The following SUPT3H variants were observed in gnomAD, a reference collection of about 807,000 sequenced individuals.
The protein encoded by SUPT3H is transcription initiation protein SPT3 homolog.
SUPT3H carries 44 observed loss-of-function variants against 44.3 expected under a neutral mutation model. That is an observed-to-expected ratio of 0.99 (90% CI 0.78 to 1.28). The LOEUF (loss-of-function observed/expected upper bound fraction) is 1.28. SUPT3H is among the 50% of genes most tolerant of loss of function. The probability of loss-of-function intolerance (pLI) is 0.00; values close to 1 mark genes in which losing one functional copy is unlikely to be tolerated. For synonymous variants in SUPT3H, 124 were observed against 125.6 expected (o/e 0.99, Z 0.09); for missense variants, 380 against 387.1 (o/e 0.98, Z 0.15).
At chr6:44,814,271 T>G (rs481914) in intron 11 of SUPT3H, among the ~76,000 whole-genome samples, 3,103 of 152,194 alleles carry the variant, frequency 0.02, 40 homozygotes, top group Non-Finnish European at 0.033. Context: ...CATCATAGTA[T>G]GAAGAAATGT....
intron 2 of SUPT3H, among the ~76,000 whole-genome samples, chr6:45,306,658 T>A (rs2149961630): frequency 6.6e-6 from 1 of 151,826 alleles, no homozygotes; most frequent in African/African-American, 2.4e-5. Flanking sequence ...AATCGGGCGG[T>A]TCCAAGATGG....
At position 45,121,528 on chromosome 6, in the gene SUPT3H, G is replaced by A. The variant is rs975257008; in HGVS notation, c.102-15522C>T. ...CCCTATGAAATTATGTGGGGGGGGGGGTGGATTATCTAAGTATATCTTTCA... is the reference window on the plus strand; with the variant it reads ...CCCTATGAAATTATGTGGGGGGGGGAGTGGATTATCTAAGTATATCTTTCA... On this transcript the variant is annotated intron_variant, in intron 2 of 10. Coordinates refer to ENST00000371459, the MANE Select transcript of SUPT3H (RefSeq NM_003599.4). 2.6e-5 allele frequency among the ~76,000 whole-genome samples: 4 copies of A among 151,824 alleles called. No homozygotes were observed. The South Asian group carries it at 8.4e-4, about 32-fold the overall frequency.
intron 10 of SUPT3H, among the ~76,000 whole-genome samples, chr6:44,872,639 A>C (rs1293588): frequency 0.93 from 124,835 of 134,792 alleles, 58,716 homozygotes; most frequent in East Asian, 1. Context: ...ATCAAATTCA[A>C]ACATAACAAT....
chr6:45,333,221 T>C (rs1787869639), intron 2 of SUPT3H, among the ~76,000 whole-genome samples: 1 of 151,688 alleles, frequency 6.6e-6, no homozygotes, highest in Non-Finnish European at 1.5e-5. Context: ...TATTTTTTGA[T>C]TAATGTGTTA....
intron 2 of SUPT3H, among the ~76,000 whole-genome samples, chr6:45,286,053 C>T (rs1779194543): frequency 6.9e-6 from 1 of 145,488 alleles, no homozygotes; most frequent in Non-Finnish European, 1.5e-5. Flanking sequence ...ATGTAGAAAG[C>T]TGAAACTGGA....
chr6:45,099,627 T>C (rs1798270717), intron 3 of SUPT3H, among the ~76,000 whole-genome samples: 1 of 152,200 alleles, frequency 6.6e-6, no homozygotes, highest in Non-Finnish European at 1.5e-5. Context: ...TTAGCTTCTA[T>C]GTGTTAATGT....
intron 2 of SUPT3H, among the ~76,000 whole-genome samples, chr6:45,143,204 G>C (rs1238926247): frequency 6.6e-6 from 1 of 151,742 alleles, no homozygotes; most frequent in East Asian, 1.9e-4. Context: ...CCTTAGAATG[G>C]AACCAACATA....
chr6:45,171,491 T>C (rs774937494), intron 2 of SUPT3H, among the ~76,000 whole-genome samples: 20 of 152,110 alleles, frequency 1.3e-4, no homozygotes, highest in Non-Finnish European at 2.6e-4. Context: ...AATCAGTACA[T>C]GCTATTTTTA....
At chr6:45,337,165 GAAC>G (rs1210656881) in intron 2 of SUPT3H, among the ~76,000 whole-genome samples, 1 of 151,612 alleles carries the variant, frequency 6.6e-6, no homozygotes. Flanking sequence ...CATATGAACA[GAAC>G]AACATGCCAA....
chr6:45,292,428 T>C (rs777612437), intron 2 of SUPT3H, among the ~76,000 whole-genome samples: 15 of 152,106 alleles, frequency 9.9e-5, no homozygotes, highest in Non-Finnish European at 1.9e-4. Flanking sequence ...AAACAAAATC[T>C]AATGTATACA....
In SUPT3H at chr6:45,087,437, T is replaced by C. The variant is rs138367200; in HGVS notation, c.186+18485A>G. Among the ~76,000 whole-genome samples, 250 of 152,046 alleles carry C rather than the reference T, an allele frequency of 1.6e-3. 3 individuals are homozygous for C. The highest frequency in any genetic ancestry group is 5.9e-3 in the African/African-American group (244 of 41,538). On this transcript the variant is annotated intron_variant, in intron 3 of 10. Coordinates refer to ENST00000371459, the MANE Select transcript of SUPT3H (RefSeq NM_003599.4). Reference sequence around the variant, plus strand: ...GAATTTTTCTAAAGTATAAATGCTATCATTTATACTAAAAATATCATCTAA... The same window carrying C: ...GAATTTTTCTAAAGTATAAATGCTACCATTTATACTAAAAATATCATCTAA...
chr6:45,365,355 GC>G, intron 1 of SUPT3H, 54 bp from the exon 2 acceptor site: 4 of 1,158,576 alleles, frequency 3.5e-6, no homozygotes, highest in South Asian at 1.4e-5. Context: ...ATAAGTAAAT[GC>G]AAAAAAAAAA....
chr6:44,823,119 A>T (rs1028002579), downstream of SUPT3H, among the ~76,000 whole-genome samples: 1 of 151,964 alleles, frequency 6.6e-6, no homozygotes, highest in Non-Finnish European at 1.5e-5. Context: ...AAAAAAAAAA[A>T]AAATTTTTTT....
chr6:44,902,600 T>C (rs1337717091), intron 10 of SUPT3H, among the ~76,000 whole-genome samples: 1 of 152,118 alleles, frequency 6.6e-6, no homozygotes, highest in African/African-American at 2.4e-5. Flanking sequence ...AACACCCCAC[T>C]GTCAATATTA....
At chr6:45,151,200 A>AC (rs2153596244) in intron 2 of SUPT3H, among the ~76,000 whole-genome samples, 1 of 152,328 alleles carries the variant, frequency 6.6e-6, no homozygotes, top group South Asian at 2.1e-4. Flanking sequence ...GTATGCAGAT[A>AC]GTAAACTAAA....
intron 2 of SUPT3H, among the ~76,000 whole-genome samples, chr6:45,290,577 T>C (rs1780159356): frequency 1.3e-5 from 2 of 151,834 alleles, no homozygotes; most frequent in African/African-American, 4.8e-5. Flanking sequence ...TCAACAAAAA[T>C]CCCGTAAGTT....
intron 2 of SUPT3H, among the ~76,000 whole-genome samples, chr6:45,236,001 T>C (rs940090739): frequency 1.7e-4 from 26 of 152,210 alleles, no homozygotes; most frequent in Admixed American, 6.5e-4. Flanking sequence ...CCCTTTGTTT[T>C]GGCCCATCCC....
intron 2 of SUPT3H, among the ~76,000 whole-genome samples, chr6:45,200,550 T>G (rs538048615): frequency 1.3e-5 from 2 of 151,680 alleles, no homozygotes; most frequent in East Asian, 1.9e-4. Flanking sequence ...CTAATAGTAC[T>G]TATGATGTGC....
intron 10 of SUPT3H, among the ~76,000 whole-genome samples, chr6:44,908,296 C>T (rs141054708): frequency 0.01 from 1,587 of 151,826 alleles, 34 homozygotes; most frequent in African/African-American, 0.036. Flanking sequence ...GGACTACAGG[C>T]GCCCACCACC....
Sources: allele counts gnomAD v4.1 joint callset (sites outside exome capture counted in the v4.1 genomes callset), GRCh38; gene constraint gnomAD v4.1.1; transcripts MANE v1.5; gene names NCBI Gene and HGNC (gene_info 2026-07-23, HGNC 2026-07-21).